Variants in CHL1 observed in about 807,000 individuals in gnomAD.
CHL1 encodes the protein cell adhesion molecule L1 like, also known as neural cell adhesion molecule L1-like protein.
CHL1 carries 96 observed loss-of-function variants against 141.9 expected under a neutral mutation model. The ratio of observed to expected loss-of-function variants is 0.68; its 90% confidence interval spans 0.57 to 0.80. The LOEUF is 0.80. Ranked by LOEUF, CHL1 falls within the 30% of genes least tolerant of loss-of-function variation. The pLI is 0.00. For synonymous variants in CHL1, 613 were observed against 502.2 expected (o/e 1.22, Z -2.95); for missense variants, 1,820 against 1,457.2 (o/e 1.25, Z -4.05).
Position 382,561 on chromosome 3 carries a change from T to A in CHL1, c.2066T>A (p.Ile689Asn). 6.2e-7 allele frequency: 1 copy of A among 1,613,916 alleles called. No individual in the cohort carries two copies. The change falls in exon 18 of 28, where the codon ATC (isoleucine) becomes AAC (asparagine). Residue 689 changes from isoleucine (I) to asparagine (N), a missense_variant. Coordinates refer to ENST00000256509, the MANE Select transcript of CHL1 (RefSeq NM_006614.4). ...TRVQGKKTTV[I>N]LPLAPFVRYQ... is the part of the protein sequence containing the mutation. The stretch of plus-strand genomic sequence containing the variant: ...GTCCAAGGAAAGAAAACCACAGTTA[T>A]CTTACCTTTGGCTCCATTTGTGAGA...
At chr3:392,669 G>T (rs1708325731) in intron 23 of CHL1, among the ~76,000 whole-genome samples, 1 of 152,318 alleles carries the variant, frequency 6.6e-6, no homozygotes, top group South Asian at 2.1e-4. Context: ...AGCACACACT[G>T]CTTACTAGTC....
chr3:355,657 G>C (rs533042778), intron 11 of CHL1, among the ~76,000 whole-genome samples: 7 of 152,290 alleles, frequency 4.6e-5, no homozygotes, highest in African/African-American at 1.7e-4. Context: ...CTCGGGTCCC[G>C]TCTAGGATGT....
chr3:391,276 G>T, intron 22 of CHL1, 117 bp downstream of exon 22: 1 of 800,692 alleles, frequency 1.2e-6, no homozygotes, highest in South Asian at 1.7e-5. Context: ...AGCACTTTGG[G>T]AGGCCAAGGC....
chr3:294,035 C>CA (rs1697954955), intron 2 of CHL1, among the ~76,000 whole-genome samples: 1 of 151,966 alleles, frequency 6.6e-6, no homozygotes, highest in Non-Finnish European at 1.5e-5. Context: ...ATAAAGGTTA[C>CA]AGGCTGGGAG....
chr3:337,844 T>C (rs916163658), intron 5 of CHL1, among the ~76,000 whole-genome samples: 1 of 152,202 alleles, frequency 6.6e-6, no homozygotes, highest in Admixed American at 6.5e-5. Context: ...TGTGTGCATG[T>C]GTCTTCATAG....
At chr3:227,518 T>A (rs1701460674) in intron 1 of CHL1, among the ~76,000 whole-genome samples, 1 of 152,314 alleles carries the variant, frequency 6.6e-6, no homozygotes, top group East Asian at 1.9e-4. Context: ...ATAGGTGATA[T>A]GCATGTGGAG....
intron 27 of CHL1, among the ~76,000 whole-genome samples, chr3:405,029 C>G (rs1709425485): frequency 6.6e-6 from 1 of 152,100 alleles, no homozygotes; most frequent in African/African-American, 2.4e-5. Flanking sequence ...TCTGGGGCCT[C>G]TTCTCTAAGG....
chr3:238,817 C>T (rs1395803834), intron 1 of CHL1, among the ~76,000 whole-genome samples: 1 of 151,660 alleles, frequency 6.6e-6, no homozygotes, highest in Non-Finnish European at 1.5e-5. Flanking sequence ...TCTGTAATCC[C>T]AGCTACTCAG....
intron 2 of CHL1, chr3:308,622 TA>T (rs1177248153): frequency 2.7e-5 from 4 of 149,762 alleles, no homozygotes; most frequent in African/African-American, 9.7e-5. Flanking sequence ...ATATATGTTA[TA>T]ATAATATGCA....
At chr3:317,610 T>C (rs1462393726) in intron 2 of CHL1, among the ~76,000 whole-genome samples, 2 of 149,530 alleles carry the variant, frequency 1.3e-5, no homozygotes, top group African/African-American at 4.9e-5. Flanking sequence ...AAGATTGATA[T>C]ATAATAAACA....
chr3:292,309 G>C (rs1212928389), intron 2 of CHL1, among the ~76,000 whole-genome samples: 3 of 152,160 alleles, frequency 2.0e-5, no homozygotes, highest in African/African-American at 7.2e-5. Flanking sequence ...GGCACTGAGG[G>C]GCTAGCTGTG....
At chr3:276,736 A>AAAATTAGC (rs1186270566) in intron 2 of CHL1, among the ~76,000 whole-genome samples, 2 of 151,856 alleles carry the variant, frequency 1.3e-5, no homozygotes, top group Non-Finnish European at 2.9e-5. Context: ...AAAAATACAA[A>AAAATTAGC]AAATTAGCTG....
intron 2 of CHL1, among the ~76,000 whole-genome samples, chr3:260,135 G>C (rs1369176120): frequency 6.6e-6 from 1 of 151,956 alleles, no homozygotes; most frequent in African/African-American, 2.4e-5. Context: ...GTGGTGGCGC[G>C]GACCTGTAAT....
At chr3:316,089 T>G (rs1402320306) in intron 2 of CHL1, among the ~76,000 whole-genome samples, 2 of 152,034 alleles carry the variant, frequency 1.3e-5, no homozygotes, top group Non-Finnish European at 2.9e-5. Flanking sequence ...ACCCTAATCT[T>G]ATGTGAATGG....
chr3:318,041 T>C (rs1278590495), intron 2 of CHL1, among the ~76,000 whole-genome samples: 1 of 151,874 alleles, frequency 6.6e-6, no homozygotes, highest in African/African-American at 2.4e-5. Flanking sequence ...TCAGCCAGAG[T>C]AGAATAATGC....
chr3:308,209 A>T (rs1045805242), intron 2 of CHL1, among the ~76,000 whole-genome samples: 1 of 152,228 alleles, frequency 6.6e-6, no homozygotes, highest in Non-Finnish European at 1.5e-5. Flanking sequence ...GTCTATATCT[A>T]TGCAGATTAT....
intron 13 of CHL1, among the ~76,000 whole-genome samples, chr3:362,543 T>G (rs1261963952): frequency 1.3e-5 from 2 of 152,170 alleles, no homozygotes; most frequent in East Asian, 3.9e-4. Flanking sequence ...AAATTTTGCA[T>G]CTGGGGCAAG....
At chr3:221,914 T>C (rs1700879868) in intron 1 of CHL1, among the ~76,000 whole-genome samples, 1 of 152,242 alleles carries the variant, frequency 6.6e-6, no homozygotes. Flanking sequence ...GACATAAGTT[T>C]GATTTTATGA....
At chr3:303,732 A>G (rs1698968142) in intron 2 of CHL1, among the ~76,000 whole-genome samples, 1 of 152,174 alleles carries the variant, frequency 6.6e-6, no homozygotes, top group African/African-American at 2.4e-5. Flanking sequence ...CTCTTGCCTG[A>G]TTGCCCTGGC....
Sources: gnomAD v4.1 joint callset for allele counts (sites outside exome capture counted in the v4.1 genomes callset) on GRCh38, gnomAD v4.1.1 for gene constraint, MANE v1.5 for transcripts, NCBI Gene and HGNC (gene_info 2026-07-23, HGNC 2026-07-21) for gene names.